ASMTL: variants seen among roughly 807,000 people sequenced by gnomAD.
ASMTL encodes acetylserotonin O-methyltransferase like.
ASMTL carries 57 observed loss-of-function variants against 60.3 expected under a neutral mutation model. The observed-to-expected ratio is 0.95, with a 90% CI of 0.76 to 1.18. ASMTL has a LOEUF of 1.18. Ranked by LOEUF, ASMTL falls within the 50% of genes most tolerant of loss-of-function variation. ASMTL has a pLI of 0.00. For synonymous variants in ASMTL, 419 were observed against 373.0 expected, an observed-to-expected ratio of 1.12 and a Z score of -1.42; for missense variants, 981 against 852.6, an observed-to-expected ratio of 1.15 and a Z score of -1.88.
At chrX:1,414,478 C>T (rs1276505388) in intron 11 of ASMTL, among the ~76,000 whole-genome samples, 24 of 152,072 alleles carry the variant, frequency 1.6e-4, no homozygotes, top group Admixed American at 1.1e-3. Context: ...GAGGCCAAGA[C>T]GGGTGGATGA....
chrX:1,432,296 C>CT lies in ASMTL; in HGVS notation c.481_482insA (p.Trp161Ter). The change falls in exon 6 of 13, where the codon TGG (tryptophan) becomes TAGG (stop). Residue 161 changes from tryptophan to a stop codon, truncating the protein, a stop_gained and frameshift_variant. Transcript: ENST00000381317. LOFTEE classifies it high-confidence loss of function. ...GGGCTCCCCGCTGTGGACGTATTCCCAGAGCAGCTCCTCGGACAGCTCCGA... is the reference window on the plus strand; with the variant it reads ...GGGCTCCCCGCTGTGGACGTATTCCCTAGAGCAGCTCCTCGGACAGCTCCGA... The part of the protein sequence containing the change: ...KFSELSEELL[W>*]EYVHSGEPMD... The CT allele has an allele frequency of 6.2e-7, 1 of 1,612,960 alleles. No individual in the cohort carries two copies. Among genetic ancestry groups the CT allele is most frequent in the South Asian group, 1.1e-5 (1 of 90,994 alleles).
At chrX:1,406,938 GA>G (rs2089874974) in intron 12 of ASMTL, among the ~76,000 whole-genome samples, 1 of 138,688 alleles carries the variant, frequency 7.2e-6, no homozygotes, top group Non-Finnish European at 1.6e-5. Flanking sequence ...ATGCATGGAT[GA>G]GATGGATGGG....
At chrX:1,410,598 G>C (rs1271884123) in intron 12 of ASMTL, among the ~76,000 whole-genome samples, 4 of 152,006 alleles carry the variant, frequency 2.6e-5, no homozygotes, top group African/African-American at 4.8e-5. Context: ...ATTTTTAGTA[G>C]AGGCGGGGTT....
At chrX:1,420,982 T>TG (rs2090470590) in intron 9 of ASMTL, among the ~76,000 whole-genome samples, 1 of 139,108 alleles carries the variant, frequency 7.2e-6, no homozygotes, top group Non-Finnish European at 1.5e-5. Flanking sequence ...TTTTTTGAGA[T>TG]GGAGTTTCGC....
chrX:1,438,075 G>A (rs1316956602), intron 3 of ASMTL, among the ~76,000 whole-genome samples: 2 of 151,780 alleles, frequency 1.3e-5, no homozygotes, highest in East Asian at 1.9e-4. Context: ...GATCACTTGA[G>A]GTCGGGAGTT....
chrX:1,427,102 T>C (rs2090633617), intron 7 of ASMTL, among the ~76,000 whole-genome samples: 1 of 152,194 alleles, frequency 6.6e-6, no homozygotes, highest in Admixed American at 6.5e-5. Flanking sequence ...CAAAATCCAA[T>C]GACAGGTGTC....
At chrX:1,415,614 C>T (rs1415708393) in intron 11 of ASMTL, among the ~76,000 whole-genome samples, 7 of 151,868 alleles carry the variant, frequency 4.6e-5, no homozygotes, top group East Asian at 1.9e-4. Flanking sequence ...TACAGGCGCC[C>T]GCCACCACGC....
intron 1 of ASMTL, 64 bp from the exon 2 acceptor site, chrX:1,442,381 T>A (rs1480533465): frequency 5.7e-6 from 9 of 1,584,492 alleles, no homozygotes; most frequent in Middle Eastern, 1.9e-4. Context: ...GAATGGGACA[T>A]GCAAGATTTG....
rs780952165 is a variant in ASMTL at position 1,452,870 on chromosome X, A to T, written c.-30T>A. ...TCCACGCCGGGAGCCGGGCGTCCGC[A>T]CTTCTGAGCCCGGAGCCCGCGGTGC... On this transcript the variant is annotated 5_prime_UTR_variant, in exon 1 of 13. Coordinates refer to ENST00000381317, the MANE Select transcript of ASMTL (RefSeq NM_004192.4). The T allele has an allele frequency of 3.7e-5, 56 of 1,504,768 alleles. No individual in the cohort carries two copies. Among genetic ancestry groups the T allele is most frequent in the Non-Finnish European group, 4.7e-5 (53 of 1,125,662 alleles). 93.2% of individuals were successfully genotyped at this position (1,504,768 alleles called of 1,614,324 possible). A position where few individuals can be genotyped will look rare whatever the true frequency, so the allele number is the denominator to read the frequency against.
chrX:1,439,292 G>T (rs2091049734), intron 2 of ASMTL, 148 bp from the exon 3 acceptor site: 2 of 732,766 alleles, frequency 2.7e-6, no homozygotes, highest in Non-Finnish European at 2.3e-6. Context: ...AAGGTCACGA[G>T]CAAGGACACA....
At chrX:1,424,924 A>G (rs1466233213) in intron 8 of ASMTL, among the ~76,000 whole-genome samples, 65 of 106,400 alleles carry the variant, frequency 6.1e-4, no homozygotes, top group African/African-American at 1.9e-3. Flanking sequence ...CCATGTATCT[A>G]TCCATCCATT....
At position 1,415,399 on chromosome X, in the gene ASMTL, TAC is replaced by T. The variant is rs1406251331; in HGVS notation, c.1523-2547_1523-2546del. 4.6e-5 allele frequency among the ~76,000 whole-genome samples: 7 copies of T among 150,886 alleles called. No individual in the cohort carries two copies. In the East Asian group the frequency reaches 1.3e-3, roughly 29 times the overall value. The stretch of plus-strand genomic sequence containing the variant: ...ATCTCCACTCCCCTCACGTCTCGGC[TAC>T]TTGCACTGATGATAACTTCACACAG... On this transcript the variant is annotated intron_variant, in intron 11 of 12. Coordinates refer to ENST00000381317, the MANE Select transcript of ASMTL (RefSeq NM_004192.4).
chrX:1,435,434 C>G, intron 4 of ASMTL: 1 of 610,156 alleles, frequency 1.6e-6, no homozygotes. Flanking sequence ...GGACAGGACA[C>G]TGCCAACTTC....
intron 1 of ASMTL, among the ~76,000 whole-genome samples, chrX:1,451,494 C>T (rs1224798979): frequency 2.1e-5 from 3 of 142,308 alleles, no homozygotes; most frequent in Non-Finnish European, 3.1e-5. Flanking sequence ...TACCCCCATC[C>T]CTAGGGGGAT....
intron 1 of ASMTL, among the ~76,000 whole-genome samples, chrX:1,443,120 ACACCGCCG>A (rs2091145105): frequency 6.6e-6 from 1 of 151,700 alleles, no homozygotes; most frequent in Non-Finnish European, 1.5e-5. Flanking sequence ...TCGTGGACAC[ACACCGCCG>A]TCGTGGACAC....
chrX:1,438,118 G>A (rs374677895), intron 3 of ASMTL, among the ~76,000 whole-genome samples: 33 of 151,188 alleles, frequency 2.2e-4, no homozygotes, highest in South Asian at 1.7e-3. Flanking sequence ...GTGAAACCCC[G>A]TCTCTACTAA....
At chrX:1,404,591 AGAT>A (rs1425859923) in intron 12 of ASMTL, among the ~76,000 whole-genome samples, 1 of 151,454 alleles carries the variant, frequency 6.6e-6, no homozygotes, top group African/African-American at 2.4e-5. Context: ...ATGGGTGTAT[AGAT>A]GATAGATGAT....
intron 3 of ASMTL, among the ~76,000 whole-genome samples, chrX:1,438,326 G>C (rs1212869779): frequency 3.3e-5 from 5 of 152,066 alleles, no homozygotes; most frequent in African/African-American, 1.2e-4. Flanking sequence ...GACACCCAGA[G>C]GGGAGAAGGC....
intron 11 of ASMTL, among the ~76,000 whole-genome samples, chrX:1,417,413 C>CAG (rs1569532276): frequency 6.6e-6 from 1 of 150,598 alleles, no homozygotes. Flanking sequence ...CACGTGGACA[C>CAG]ACAGTCTCAT....
Sources: gnomAD v4.1 joint callset for allele counts (sites outside exome capture counted in the v4.1 genomes callset) on GRCh38, gnomAD v4.1.1 for gene constraint, MANE v1.5 for transcripts, NCBI Gene and HGNC (gene_info 2026-07-23, HGNC 2026-07-21) for gene names.